SYN3: variants seen among roughly 807,000 people sequenced by gnomAD.
SYN3 encodes the protein synapsin-3.
In SYN3, 35 loss-of-function variants were observed where a neutral mutation model predicts 65.8. The ratio of observed to expected loss-of-function variants is 0.53; its 90% CI spans 0.41 to 0.70. The LOEUF is 0.70. Among genes scored for constraint, SYN3 ranks in the 30% least tolerant of loss-of-function variants. The pLI is 0.00. For synonymous variants in SYN3, 270 were observed against 292.9 expected, an observed-to-expected ratio of 0.92 and a Z score of 0.80; for missense variants, 680 against 749.0, an observed-to-expected ratio of 0.91 and a Z score of 1.08.
At chr22:32,923,979 T>C (rs1010739646) in intron 4 of SYN3, among the ~76,000 whole-genome samples, 2 of 151,888 alleles carry the variant, frequency 1.3e-5, no homozygotes, top group Non-Finnish European at 2.9e-5. Context: ...GCTAAGGTAA[T>C]GGCCTCCAGC....
Position 32,510,533 on chromosome 22 carries a change from G to T in SYN3, c.*3159C>A, listed in dbSNP as rs975765904. 2.0e-5 allele frequency among the ~76,000 whole-genome samples: 3 copies of T among 152,142 alleles called. No homozygotes were observed. Among genetic ancestry groups the T allele is most frequent in the Non-Finnish European group, 4.4e-5 (3 of 68,028 alleles). Reference sequence around the variant, plus strand: ...ATCTCCTGAAACTTGAGGACCTCATGGTTACACCCTGCCCTACAAGTTTTC... The same window carrying T: ...ATCTCCTGAAACTTGAGGACCTCATTGTTACACCCTGCCCTACAAGTTTTC... On this transcript the variant is annotated 3_prime_UTR_variant, in exon 14 of 14. Coordinates refer to ENST00000358763, the MANE Select transcript of SYN3 (RefSeq NM_003490.4).
chr22:32,931,625 T>C, intron 3 of SYN3, 144 bp from the exon 4 acceptor site: 1 of 613,864 alleles, frequency 1.6e-6, no homozygotes, highest in East Asian at 2.9e-5. Flanking sequence ...TATTTTCATC[T>C]TTCTTTTTGA....
intron 6 of SYN3, among the ~76,000 whole-genome samples, chr22:32,741,803 TTAAC>T (rs1157859328): frequency 1.3e-5 from 2 of 152,180 alleles, no homozygotes; most frequent in Non-Finnish European, 2.9e-5. Context: ...TAGGGTCTCT[TTAAC>T]TAGTATCTTC....
intron 8 of SYN3, among the ~76,000 whole-genome samples, chr22:32,540,671 G>A (rs995581614): frequency 3.9e-5 from 6 of 152,156 alleles, no homozygotes; most frequent in African/African-American, 1.4e-4. Context: ...GGTGAAGGCG[G>A]GCTGCTTTTC....
At chr22:32,980,741 C>A (rs187652880) in intron 2 of SYN3, 39 bp from the exon 3 acceptor site, 19 of 1,594,826 alleles carry the variant, frequency 1.2e-5, no homozygotes, top group South Asian at 8.8e-5. Context: ...AGGATGCAGG[C>A]TGTTTTACTC....
rs948442852 is a variant in SYN3, at chr22:32,542,378, T to C, written c.775-665A>G. Among the ~76,000 whole-genome samples the C allele has an allele frequency of 2.6e-5, 4 of 151,860 alleles. No individual in the cohort carries two copies. The South Asian group carries it at 8.3e-4, about 32-fold the overall frequency. ...GTGGAGTTTGTGGGAGATGTCTGTG[T>C]GTGGTGTGTTTGCATATTTGCTGTA... On this transcript the variant is annotated intron_variant, in intron 7 of 13. Coordinates refer to ENST00000358763, the MANE Select transcript of SYN3 (RefSeq NM_003490.4).
At chr22:32,787,982 G>T (rs562630527) in intron 6 of SYN3, among the ~76,000 whole-genome samples, 1 of 152,328 alleles carries the variant, frequency 6.6e-6, no homozygotes, top group African/African-American at 2.4e-5. Context: ...ACACAAGTGA[G>T]AGTGGGAGAG....
At chr22:32,601,222 T>C (rs2059277165) in intron 6 of SYN3, among the ~76,000 whole-genome samples, 3 of 152,112 alleles carry the variant, frequency 2.0e-5, no homozygotes, top group Admixed American at 2.0e-4. Context: ...TCAGAATTCA[T>C]CCAAAGCAAT....
At chr22:32,935,852 T>C (rs1050185711) in intron 3 of SYN3, among the ~76,000 whole-genome samples, 1 of 152,240 alleles carries the variant, frequency 6.6e-6, no homozygotes, top group Non-Finnish European at 1.5e-5. Context: ...ATATACTAGC[T>C]GATGAGTTTA....
intron 6 of SYN3, among the ~76,000 whole-genome samples, chr22:32,758,692 A>T (rs1275794057): frequency 9.5e-6 from 1 of 105,748 alleles, no homozygotes; most frequent in Non-Finnish European, 2.0e-5. Flanking sequence ...ATATATATAT[A>T]TATATATATG....
At chr22:32,964,722 G>T (rs2051772837) in intron 3 of SYN3, among the ~76,000 whole-genome samples, 1 of 152,116 alleles carries the variant, frequency 6.6e-6, no homozygotes, top group Non-Finnish European at 1.5e-5. Context: ...ACGCATGAGG[G>T]CAATGAAAAG....
chr22:32,918,035 G>T (rs1310085402), intron 4 of SYN3, among the ~76,000 whole-genome samples: 1 of 152,226 alleles, frequency 6.6e-6, no homozygotes, highest in African/African-American at 2.4e-5. Context: ...TCCCCGCCTG[G>T]GGACACAAGG....
Position 33,033,009 on chromosome 22 carries a change from G to C in SYN3, c.-163+25283C>G, listed in dbSNP as rs573609502. On this transcript the variant is annotated intron_variant, in intron 1 of 13. Coordinates refer to ENST00000358763, the MANE Select transcript of SYN3 (RefSeq NM_003490.4). ...GGCCTAGGTCACCCATGTGTGCTCAGAATAAACTTTTTTTTTTTTTGAGAT... is the reference window on the plus strand; with the variant it reads ...GGCCTAGGTCACCCATGTGTGCTCACAATAAACTTTTTTTTTTTTTGAGAT... Among the ~76,000 whole-genome samples the C allele has an allele frequency of 2.0e-5, 3 of 152,022 alleles. No individual in the cohort carries two copies. In the East Asian group the frequency reaches 5.8e-4, roughly 29 times the overall value.
chr22:32,515,579 C>T (rs1420925318), intron 13 of SYN3, among the ~76,000 whole-genome samples: 2 of 152,172 alleles, frequency 1.3e-5, no homozygotes, highest in Non-Finnish European at 2.9e-5. Context: ...ACTAAAAATA[C>T]ATTTATCCTT....
chr22:32,703,082 C>T (rs890561564), intron 6 of SYN3, among the ~76,000 whole-genome samples: 3 of 152,102 alleles, frequency 2.0e-5, no homozygotes, highest in South Asian at 4.2e-4. Context: ...TCTTGGGTCT[C>T]CTTAAATCAG....
chr22:32,723,386 C>T (rs1239751443), intron 6 of SYN3, among the ~76,000 whole-genome samples: 1 of 152,226 alleles, frequency 6.6e-6, no homozygotes, highest in Non-Finnish European at 1.5e-5. Context: ...GTGTTGGCTA[C>T]TACTGTGCTC....
intron 3 of SYN3, among the ~76,000 whole-genome samples, chr22:32,950,107 G>A (rs556623642): frequency 7.9e-5 from 12 of 152,274 alleles, no homozygotes; most frequent in South Asian, 6.2e-4. Context: ...ACCCTTAGGC[G>A]TGTTCCCCTG....
At chr22:32,695,200 A>G (rs1185730846) in intron 6 of SYN3, among the ~76,000 whole-genome samples, 1 of 151,992 alleles carries the variant, frequency 6.6e-6, no homozygotes, top group African/African-American at 2.4e-5. Context: ...AGTATTTTTC[A>G]TTATTTTATT....
chr22:32,592,374 C>G (rs944157814), intron 7 of SYN3, among the ~76,000 whole-genome samples: 1 of 152,220 alleles, frequency 6.6e-6, no homozygotes. Flanking sequence ...TGACTGACTT[C>G]TAACGAACTT....
Sources: allele counts gnomAD v4.1 joint callset (sites outside exome capture counted in the v4.1 genomes callset), GRCh38; gene constraint gnomAD v4.1.1; transcripts MANE v1.5; gene names NCBI Gene and HGNC (gene_info 2026-07-23, HGNC 2026-07-21).